Variants in NSMCE4A observed in about 807,000 individuals in gnomAD.
NSMCE4A encodes the protein non-structural maintenance of chromosomes element 4 homolog A.
In NSMCE4A, 40 loss-of-function variants were observed where a neutral mutation model predicts 47.9. The observed-to-expected ratio is 0.83, with a 90% CI of 0.65 to 1.09. NSMCE4A has a LOEUF of 1.09. Ranked by LOEUF, NSMCE4A falls within the 50% of genes least tolerant of loss-of-function variation. NSMCE4A has a pLI of 0.00. For missense variants in NSMCE4A, 500 were observed against 507.0 expected (o/e 0.99, Z 0.13); for synonymous variants, 166 against 178.5 (o/e 0.93, Z 0.56).
At chr10:121,957,285 AAC>A (rs1297662264) in intron 10 of NSMCE4A, 26 bp from the exon 11 acceptor site, 1 of 152,650 alleles carries the variant, frequency 6.6e-6, no homozygotes, top group East Asian at 1.9e-4. Context: ...ATAGCTGGTT[AAC>A]AGTTTATAAA....
At chr10:121,974,235 G>C (rs934572676) in intron 1 of NSMCE4A, 154 bp from the exon 2 acceptor site, 3 of 1,400,720 alleles carry the variant, frequency 2.1e-6, no homozygotes, top group Non-Finnish European at 2.8e-6. Context: ...AAAATGACCC[G>C]GAAAAGGAGA....
chr10:121,971,728 G>A (rs1199796915), intron 2 of NSMCE4A, among the ~76,000 whole-genome samples: 1 of 152,182 alleles, frequency 6.6e-6, no homozygotes, highest in Admixed American at 6.5e-5. Flanking sequence ...GCTGACGTAA[G>A]GAAAATCAAA....
chr10:121,968,599 C>A (rs1195303835), intron 3 of NSMCE4A, among the ~76,000 whole-genome samples: 1 of 152,104 alleles, frequency 6.6e-6, no homozygotes, highest in Admixed American at 6.6e-5. Flanking sequence ...ATTCTCTCAT[C>A]TCAAACTGTC....
Position 121,975,144 on chromosome 10 carries a change from G to A in NSMCE4A, c.22C>T (p.Arg8Cys), listed in dbSNP as rs984161793. 71 of 1,406,440 alleles carry A rather than the reference G, an allele frequency of 5.0e-5. No individual in the cohort carries two copies. In the African/African-American group the frequency reaches 1.0e-3, roughly 20 times the overall value. The allele number at this position is 1,406,440 out of a possible 1,614,324, so 87.1% of individuals were successfully genotyped here. MSGDSSGRGPEGRGRGRD... is the reference protein window; with the variant it reads MSGDSSGCGPEGRGRGRD... ...CCCCGGCCCCGGCCCTCTGGCCCGC[G>A]GCCGCTGCTGTCCCCAGACATAGCG... The change falls in exon 1 of 11, where the codon CGC (arginine) becomes TGC (cysteine). Residue 8 changes from arginine to cysteine, a missense_variant. Arg to Cys is a radical substitution (Grantham distance 180, BLOSUM62 -3). Transcript: ENST00000369023.
chr10:121,966,921 A>C (rs1453996180), intron 4 of NSMCE4A: 2 of 152,192 alleles, frequency 1.3e-5, no homozygotes, highest in Non-Finnish European at 2.9e-5. Flanking sequence ...TGAACTGGAC[A>C]GTTTATGTGG....
At chr10:121,974,828 G>A in intron 1 of NSMCE4A, 46 bp downstream of exon 1, 1 of 1,339,576 alleles carries the variant, frequency 7.5e-7, no homozygotes, top group Non-Finnish European at 9.6e-7. Context: ...GCAGGGCGGG[G>A]ACAGCGGCCC....
chr10:121,974,986 C>A lies in NSMCE4A; in HGVS notation c.180G>T (p.Pro60=). 3 of 1,522,504 alleles carry A rather than the reference C, an allele frequency of 2.0e-6. No homozygotes were observed. Among genetic ancestry groups the A allele is most frequent in the Non-Finnish European group, 2.6e-6 (3 of 1,137,632 alleles). The allele number at this position is 1,522,504 out of a possible 1,614,324, so 94.3% of individuals were successfully genotyped here. ...PERPSLEDTE[P]SDSGDEMMDP... ...CCATCATCTCGTCCCCGGAATCCGA[C>A]GGCTCTGTGTCCTCCAGGCTCGGGC... The change falls in exon 1 of 11, where the codon CCG becomes CCT. Residue 60 remains proline, a synonymous_variant. Transcript: ENST00000369023.
intron 8 of NSMCE4A, 178 bp from the exon 9 acceptor site, chr10:121,959,773 G>A: frequency 1.7e-6 from 1 of 596,986 alleles, no homozygotes. Context: ...ACAGTAGCCA[G>A]TCATTCCATC....
intron 6 of NSMCE4A, among the ~76,000 whole-genome samples, chr10:121,962,694 C>A (rs1952524955): frequency 6.6e-6 from 1 of 151,560 alleles, no homozygotes; most frequent in African/African-American, 2.4e-5. Context: ...CTCACCGCAA[C>A]CTCTGTCTCC....
chr10:121,975,200 A>C lies in NSMCE4A; in HGVS notation c.-35T>G. Reference sequence around the variant, plus strand: ...TCACCGTGCAACTTCGGAACGGCGGAAGTTCGCGCCAGAAACTGAAACCCC... The same window carrying C: ...TCACCGTGCAACTTCGGAACGGCGGCAGTTCGCGCCAGAAACTGAAACCCC... On this transcript the variant is annotated 5_prime_UTR_variant, in exon 1 of 11. Transcript: ENST00000369023. 3.0e-6 allele frequency: 4 copies of C among 1,350,178 alleles called. No homozygotes were observed. The highest frequency in any genetic ancestry group is 3.8e-6 in the Non-Finnish European group (4 of 1,056,616). The allele number at this position is 1,350,178 out of a possible 1,614,324, so 83.6% of individuals were successfully genotyped here.
chr10:121,967,435 T>A (rs775006888), intron 4 of NSMCE4A: 133 of 502,240 alleles, frequency 2.6e-4, no homozygotes, highest in Non-Finnish European at 4.2e-4. Flanking sequence ...TGAGCTCAGA[T>A]GATCTACCTG....
chr10:121,962,031 A>G (rs766435643), intron 6 of NSMCE4A: 4 of 356,740 alleles, frequency 1.1e-5, no homozygotes, highest in South Asian at 8.0e-5. Context: ...AATTGCTTGA[A>G]TCCAGGAGGT....
At chr10:121,971,286 G>A (rs1055137286) in intron 2 of NSMCE4A, among the ~76,000 whole-genome samples, 9 of 152,076 alleles carry the variant, frequency 5.9e-5, no homozygotes, top group African/African-American at 2.2e-4. Flanking sequence ...CAAGGCGGGC[G>A]GATCACGAGG....
At chr10:121,959,641 C>G in intron 8 of NSMCE4A, 46 bp from the exon 9 acceptor site, 1 of 1,321,836 alleles carries the variant, frequency 7.6e-7, no homozygotes. Flanking sequence ...GTTATTAAAT[C>G]GGAACAGGTA....
At chr10:121,957,959 G>T (rs1032371232) in intron 10 of NSMCE4A, among the ~76,000 whole-genome samples, 1 of 152,010 alleles carries the variant, frequency 6.6e-6, no homozygotes, top group African/African-American at 2.4e-5. Context: ...GCCAGGCGTG[G>T]TGGCTCATGT....
Position 121,967,675 on chromosome 10 carries a change from T to A in NSMCE4A, c.633A>T (p.Lys211Asn). The change falls in exon 4 of 11, where the codon AAA (lysine) becomes AAT (asparagine). Residue 211 changes from lysine to asparagine, a missense_variant. Lys to Asn is a moderately conservative substitution (Grantham distance 94). Transcript: ENST00000369023. ...TGRTAENTFN[K>N]THTFHFLLGS... is the part of the protein sequence containing the mutation. ...CTTACAGAAAGTGGAATGTATGGGT[T>A]TTATTAAAGGTGTTTTCTGCTGTTC... is the stretch of plus-strand genomic sequence containing the variant. 6.2e-7 allele frequency: 1 copy of A among 1,610,704 alleles called. No homozygotes were observed. The highest frequency in any genetic ancestry group is 8.5e-7 in the Non-Finnish European group (1 of 1,179,326).
At chr10:121,970,564 C>T (rs941011594) in intron 3 of NSMCE4A, among the ~76,000 whole-genome samples, 3 of 152,016 alleles carry the variant, frequency 2.0e-5, no homozygotes, top group East Asian at 1.9e-4. Flanking sequence ...CATGCCCTCT[C>T]GCCAGGCCTA....
chr10:121,967,567 ACAATAC>A, intron 4 of NSMCE4A, 82 bp downstream of exon 4: 1 of 1,402,814 alleles, frequency 7.1e-7, no homozygotes, highest in Non-Finnish European at 9.7e-7. Context: ...TGTCACCTCT[ACAATAC>A]CAAATAATCT....
In NSMCE4A at chr10:121,971,191, A is replaced by G. The variant is rs558831782; in HGVS notation, c.371-122T>C. 268 of 864,256 alleles carry G rather than the reference A, an allele frequency of 3.1e-4. 6 individuals are homozygous for G. The South Asian group carries it at 4.6e-3, about 15-fold the overall frequency. The allele number at this position is 864,256 out of a possible 1,614,324, so 53.5% of individuals were successfully genotyped here. A position where few individuals can be genotyped will look rare whatever the true frequency, so the allele number is the denominator to read the frequency against. Reference sequence around the variant, plus strand: ...GGACTAAAAAAAAAAAAAAATCTCAATAGGCAACTGACACATCTCCTTCTA... The same window carrying G: ...GGACTAAAAAAAAAAAAAAATCTCAGTAGGCAACTGACACATCTCCTTCTA... On this transcript the variant is annotated intron_variant, in intron 2 of 10. Transcript: ENST00000369023.
Sources: allele counts gnomAD v4.1 joint callset (sites outside exome capture counted in the v4.1 genomes callset), GRCh38; gene constraint gnomAD v4.1.1; transcripts MANE v1.5; gene names NCBI Gene and HGNC (gene_info 2026-07-23, HGNC 2026-07-21).